Variants in CCDC146 observed in about 807,000 individuals in gnomAD.
CCDC146 encodes coiled-coil domain-containing protein 146.
In CCDC146, 92 loss-of-function variants were observed where a neutral mutation model predicts 119.3. That is an observed-to-expected ratio of 0.77 (90% CI 0.65 to 0.92). CCDC146 has a LOEUF of 0.92. Ranked by LOEUF, CCDC146 falls within the 40% of genes least tolerant of loss-of-function variation. CCDC146 has a pLI of 0.00. For missense variants in CCDC146, 1,000 were observed against 1,103.0 expected (o/e 0.91, Z 1.32); for synonymous variants, 372 against 371.8 (o/e 1.00, Z -0.01).
intron 2 of CCDC146, among the ~76,000 whole-genome samples, chr7:77,230,479 T>A (rs1792604080): frequency 7.0e-6 from 1 of 143,134 alleles, no homozygotes; most frequent in Admixed American, 7.4e-5. Flanking sequence ...GATATAGGAT[T>A]CTTGGTTGAC....
chr7:77,257,670 C>T (rs1793206768), intron 6 of CCDC146, among the ~76,000 whole-genome samples: 1 of 152,218 alleles, frequency 6.6e-6, no homozygotes, highest in South Asian at 2.1e-4. Flanking sequence ...GAGCAAGATC[C>T]CACAGAGAAA....
intron 6 of CCDC146, among the ~76,000 whole-genome samples, chr7:77,256,825 C>T (rs539736565): frequency 6.6e-6 from 1 of 152,280 alleles, no homozygotes; most frequent in African/African-American, 2.4e-5. Context: ...ACAACCATGG[C>T]CAGGCACAGT....
rs111704910 is a variant in CCDC146 at position 77,259,079 on chromosome 7, A to G, written c.758+11A>G. ...AACACGCAAAAAAGTGTATGATTTA[A>G]TATTTTTACTTTGAATCCCTGCCAG... On this transcript the variant is annotated intron_variant, in intron 7 of 18. Transcript: ENST00000285871. The G allele has an allele frequency of 6.5e-6, 10 of 1,534,768 alleles. No individual in the cohort carries two copies. In the African/African-American group the frequency reaches 6.8e-5, roughly 10 times the overall value.
rs1012107010 is a variant in CCDC146, at chr7:77,216,127, T to C, written c.157-20820T>C. 5.9e-5 allele frequency among the ~76,000 whole-genome samples: 9 copies of C among 152,148 alleles called. 1 individual carries two copies. The highest frequency in any genetic ancestry group is 1.3e-4 in the Admixed American group (2 of 15,260). The stretch of plus-strand genomic sequence containing the variant: ...TAATTTAGGAAGATTTGTGCTTTTG[T>C]TATAATGGTGATTTTTATATTCATA... On this transcript the variant is annotated intron_variant, in intron 2 of 18. Coordinates refer to ENST00000285871, the MANE Select transcript of CCDC146 (RefSeq NM_020879.3).
rs115455694 is a variant in CCDC146 at position 77,200,624 on chromosome 7, C to T, written c.156+32800C>T. Among the ~76,000 whole-genome samples the T allele has an allele frequency of 3.0e-3, 458 of 152,348 alleles. 2 individuals are homozygous for T. The highest frequency in any genetic ancestry group is 0.01 in the African/African-American group (433 of 41,574). On this transcript the variant is annotated intron_variant, in intron 2 of 18. Coordinates refer to ENST00000285871, the MANE Select transcript of CCDC146 (RefSeq NM_020879.3). ...TGTCCTGAACTTCTCTTGCCTACAG[C>T]ATCTTTGCCCTTTCTTTCTGCAGGT...
chr7:77,289,742 G>A (rs1298052864), intron 17 of CCDC146, among the ~76,000 whole-genome samples: 1 of 152,226 alleles, frequency 6.6e-6, no homozygotes, highest in African/African-American at 2.4e-5. Context: ...AGAAATGGGA[G>A]CAGAAAGTGG....
At chr7:77,270,984 G>GAA (rs1793499697) in intron 9 of CCDC146, among the ~76,000 whole-genome samples, 1 of 149,308 alleles carries the variant, frequency 6.7e-6, no homozygotes, top group Admixed American at 6.8e-5. Context: ...TCATTGGCTT[G>GAA]TCTTAGCTCA....
At chr7:77,273,491 C>T (rs1434126107) in intron 9 of CCDC146, among the ~76,000 whole-genome samples, 1 of 150,010 alleles carries the variant, frequency 6.7e-6, no homozygotes, top group Non-Finnish European at 1.5e-5. Flanking sequence ...ATGAGGTTGA[C>T]TACACAGCAG....
intron 2 of CCDC146, among the ~76,000 whole-genome samples, chr7:77,200,132 C>T (rs1276542854): frequency 2.6e-5 from 4 of 152,130 alleles, no homozygotes; most frequent in East Asian, 1.9e-4. Context: ...AATAATTATA[C>T]GTAACTTCAC....
chr7:77,238,542 G>C (rs1488489416), intron 3 of CCDC146, among the ~76,000 whole-genome samples: 1 of 151,986 alleles, frequency 6.6e-6, no homozygotes, highest in Admixed American at 6.6e-5. Flanking sequence ...TCAGACTCTT[G>C]AGTAGCTAGG....
intron 1 of CCDC146, among the ~76,000 whole-genome samples, chr7:77,157,913 C>T (rs190147314): frequency 3.4e-3 from 515 of 152,342 alleles, no homozygotes; most frequent in Non-Finnish European, 5.0e-3. Context: ...TGGTCTTGCT[C>T]ACCATGGTAC....
intron 2 of CCDC146, among the ~76,000 whole-genome samples, chr7:77,212,465 C>CA (rs556514385): frequency 2.0e-5 from 3 of 151,342 alleles, no homozygotes; most frequent in Non-Finnish European, 3.0e-5. Flanking sequence ...ACTAAAAATA[C>CA]AAAAAAACAG....
chr7:77,228,875 T>A (rs553522908), intron 2 of CCDC146, among the ~76,000 whole-genome samples: 11 of 152,338 alleles, frequency 7.2e-5, no homozygotes, highest in African/African-American at 2.6e-4. Flanking sequence ...ATATGCAGGA[T>A]GTGCAGGTTT....
intron 2 of CCDC146, among the ~76,000 whole-genome samples, chr7:77,235,589 C>T (rs1326618697): frequency 6.6e-6 from 1 of 152,124 alleles, no homozygotes; most frequent in African/African-American, 2.4e-5. Context: ...TCTTGAATAC[C>T]AAGGGTCTTG....
intron 1 of CCDC146, among the ~76,000 whole-genome samples, chr7:77,143,323 G>C (rs1304418545): frequency 6.6e-6 from 1 of 151,750 alleles, no homozygotes; most frequent in East Asian, 1.9e-4. Flanking sequence ...TTAGCCCTTT[G>C]TCAGATGAGT....
intron 1 of CCDC146, among the ~76,000 whole-genome samples, chr7:77,126,458 C>T (rs1282989237): frequency 1.3e-5 from 2 of 151,972 alleles, no homozygotes; most frequent in Admixed American, 1.3e-4. Flanking sequence ...TTAAGTGTTA[C>T]AAGAGCTCAG....
Position 77,212,941 on chromosome 7 carries a change from G to A in CCDC146, c.157-24006G>A, listed in dbSNP as rs1212797489. 3.0e-4 allele frequency among the ~76,000 whole-genome samples: 43 copies of A among 141,392 alleles called. 1 individual carries two copies. The Admixed American group carries it at 3.0e-3, about 10-fold the overall frequency. 92.8% of individuals were successfully genotyped at this position (141,392 alleles called of 152,430 possible). A position where few individuals can be genotyped will look rare whatever the true frequency, so the allele number is the denominator to read the frequency against. ...CTTAGTGCATAAATGTTTTATCCAGGTCACATTAATTTTTTTTTTTTTTTT... is the reference window on the plus strand; with the variant it reads ...CTTAGTGCATAAATGTTTTATCCAGATCACATTAATTTTTTTTTTTTTTTT... On this transcript the variant is annotated intron_variant, in intron 2 of 18. Coordinates refer to ENST00000285871, the MANE Select transcript of CCDC146 (RefSeq NM_020879.3).
At position 77,196,090 on chromosome 7, in the gene CCDC146, TAAC is replaced by T. The variant is rs758150606; in HGVS notation, c.156+28272_156+28274del. On this transcript the variant is annotated intron_variant, in intron 2 of 18. Transcript: ENST00000285871. This position sits in a 1 kb window ranked among gnomAD's most constrained non-coding sequence, Gnocchi z 4.2. ...TGCAAGTGTTCATTGGATAACAGCA[TAAC>T]AACAAAGGACTCCTTTAAAATGCAT... is the stretch of plus-strand genomic sequence containing the variant. The T allele has an allele frequency of 2.6e-5, 14 of 543,070 alleles. No homozygotes were observed. The highest frequency in any genetic ancestry group is 3.9e-5 in the Non-Finnish European group (12 of 308,876). 33.6% of individuals were successfully genotyped at this position (543,070 alleles called of 1,614,324 possible).
chr7:77,234,252 C>A (rs200593947), intron 2 of CCDC146, among the ~76,000 whole-genome samples: 4 of 147,396 alleles, frequency 2.7e-5, no homozygotes, highest in Admixed American at 2.7e-4. Context: ...TTTGTAAAGG[C>A]TTTTTTTTTT....
Sources: allele counts gnomAD v4.1 joint callset (sites outside exome capture counted in the v4.1 genomes callset), GRCh38; gene constraint gnomAD v4.1.1; non-coding constraint Gnocchi (gnomAD v3.1); transcripts MANE v1.5; gene names NCBI Gene and HGNC (gene_info 2026-07-23, HGNC 2026-07-21).